MDH1B: variants seen among roughly 807,000 people sequenced by gnomAD.
MDH1B encodes the protein putative malate dehydrogenase 1B.
Under a neutral mutation model 61.4 loss-of-function variants are expected in MDH1B, and 60 were observed. The ratio of observed to expected loss-of-function variants is 0.98; its 90% CI spans 0.79 to 1.21. The LOEUF is 1.21. Among genes scored for constraint, MDH1B ranks in the 50% most tolerant of loss-of-function variants. MDH1B has a pLI of 0.00. For missense variants in MDH1B, 587 were observed against 632.1 expected, an observed-to-expected ratio of 0.93 and a Z score of 0.76; for synonymous variants, 236 against 218.7, an observed-to-expected ratio of 1.08 and a Z score of -0.70.
intron 9 of MDH1B, among the ~76,000 whole-genome samples, chr2:206,744,751 C>G (rs1688000025): frequency 6.6e-6 from 1 of 151,698 alleles, no homozygotes. Flanking sequence ...ATAGTGAAAC[C>G]TCGTCTCTAC....
chr2:206,762,121 T>C (rs1689134042), intron 1 of MDH1B, among the ~76,000 whole-genome samples: 1 of 152,162 alleles, frequency 6.6e-6, no homozygotes, highest in African/African-American at 2.4e-5. Flanking sequence ...CAACCCTGCG[T>C]GGAGATCCCT....
intron 6 of MDH1B, among the ~76,000 whole-genome samples, chr2:206,749,823 A>ATGT (rs1688331529): frequency 6.6e-6 from 1 of 152,240 alleles, no homozygotes; most frequent in Non-Finnish European, 1.5e-5. Context: ...CACTTGTGGC[A>ATGT]TCATGTTGGT....
chr2:206,743,722 G>A (rs1559332583), intron 9 of MDH1B, among the ~76,000 whole-genome samples: 1 of 152,054 alleles, frequency 6.6e-6, no homozygotes. Flanking sequence ...CCACAGGCGT[G>A]CATGCACACA....
At chr2:206,755,774 C>T (rs1417379003) in intron 4 of MDH1B, among the ~76,000 whole-genome samples, 1 of 152,026 alleles carries the variant, frequency 6.6e-6, no homozygotes, top group African/African-American at 2.4e-5. Flanking sequence ...ACAGAATTCC[C>T]CCTATGCAGA....
In MDH1B at chr2:206,755,428, C is replaced by T. The variant is rs373391625; in HGVS notation, c.491G>A (p.Ser164Asn). The change falls in exon 5 of 12, where the codon AGC (serine) becomes AAC (asparagine). Residue 164 changes from serine (S) to asparagine (N), a missense_variant. Coordinates refer to ENST00000374412, the MANE Select transcript of MDH1B (RefSeq NM_001039845.3). Reference protein sequence around the residue: ...GEVFGMHTEISITLFDNKQAE... With the variant: ...GEVFGMHTEINITLFDNKQAE... Reference sequence around the variant, plus strand: ...CTGCTTGTTGTCAAATAGAGTTATGCTAATTTCTGTATGCATCCCAAACAC... The same window carrying T: ...CTGCTTGTTGTCAAATAGAGTTATGTTAATTTCTGTATGCATCCCAAACAC... The T allele has an allele frequency of 2.5e-6, 4 of 1,614,070 alleles. No homozygotes were observed. The highest frequency in any genetic ancestry group is 2.5e-6 in the Non-Finnish European group (3 of 1,180,036).
chr2:206,739,245 G>C (rs1192451931), intron 11 of MDH1B, among the ~76,000 whole-genome samples: 1 of 151,988 alleles, frequency 6.6e-6, no homozygotes, highest in Non-Finnish European at 1.5e-5. Context: ...TGAGACCCTA[G>C]ATCTACAAAA....
chr2:206,748,974 G>C, intron 7 of MDH1B, 46 bp downstream of exon 7: 1 of 1,559,876 alleles, frequency 6.4e-7, no homozygotes. Flanking sequence ...ACGAGTTATA[G>C]ATAGAGGTTT....
Position 206,755,150 on chromosome 2 carries a change from CT to C in MDH1B, c.768del (p.Arg258GlufsTer4). Reference sequence around the variant, plus strand: ...GTCTTCAGGTTTACAAAGGTTCTCCCTCCCACGATGACTCTGACAGACTCAT... The same window carrying C: ...GTCTTCAGGTTTACAAAGGTTCTCCCCCCACGATGACTCTGACAGACTCAT... ...NAHESVRVIV[G>X]GRTFVNLKTV... On this transcript the variant is annotated frameshift_variant, in exon 5 of 12. Coordinates refer to ENST00000374412, the MANE Select transcript of MDH1B (RefSeq NM_001039845.3). LOFTEE classifies it high-confidence loss of function. 6.2e-7 allele frequency: 1 copy of C among 1,614,196 alleles called. No individual in the cohort carries two copies. The highest frequency in any genetic ancestry group is 8.5e-7 in the Non-Finnish European group (1 of 1,180,038).
chr2:206,758,190 C>T (rs1037815372), intron 2 of MDH1B, among the ~76,000 whole-genome samples: 1 of 152,212 alleles, frequency 6.6e-6, no homozygotes, highest in East Asian at 1.9e-4. Flanking sequence ...CCCCAAAAAA[C>T]CTTCTGCACC....
intron 1 of MDH1B, among the ~76,000 whole-genome samples, chr2:206,761,376 G>A (rs1247073467): frequency 6.6e-6 from 1 of 152,096 alleles, no homozygotes; most frequent in Non-Finnish European, 1.5e-5. Flanking sequence ...CCACCAAAAG[G>A]TAAAGTTTGA....
chr2:206,753,323 C>G (rs1162558612), intron 5 of MDH1B, among the ~76,000 whole-genome samples: 1 of 152,170 alleles, frequency 6.6e-6, no homozygotes, highest in Non-Finnish European at 1.5e-5. Context: ...AGGTCCTTCT[C>G]TGTTGGCCAG....
intron 9 of MDH1B, 71 bp from the exon 10 acceptor site, chr2:206,741,175 T>C: frequency 6.3e-7 from 1 of 1,591,654 alleles, no homozygotes; most frequent in Non-Finnish European, 8.6e-7. Context: ...TCATGAGATG[T>C]TCTGAGTCAA....
rs190832559 is a variant in MDH1B, at chr2:206,751,710, G to A, written c.911-635C>T. Among the ~76,000 whole-genome samples, 355 of 152,238 alleles carry A rather than the reference G, an allele frequency of 2.3e-3. 1 individual carries two copies. Among genetic ancestry groups the A allele is most frequent in the Non-Finnish European group, 2.0e-3 (138 of 68,014 alleles). On this transcript the variant is annotated intron_variant, in intron 5 of 11. Transcript: ENST00000374412. ...ATTCTAGGGGTGGTGGGAAGTGGAT[G>A]AGAAAACAACTATTATACAAAGCGA...
intron 1 of MDH1B, among the ~76,000 whole-genome samples, chr2:206,761,635 T>C (rs1689100465): frequency 6.6e-6 from 1 of 151,974 alleles, no homozygotes; most frequent in Admixed American, 6.5e-5. Context: ...TACATGTATA[T>C]GTATATGTAT....
intron 1 of MDH1B, among the ~76,000 whole-genome samples, chr2:206,764,273 G>C (rs1419752981): frequency 2.0e-5 from 3 of 151,216 alleles, no homozygotes; most frequent in Admixed American, 2.0e-4. Context: ...AATCCAGCCT[G>C]GGTGACAAAG....
chr2:206,751,155 G>C, intron 5 of MDH1B, 80 bp from the exon 6 acceptor site: 1 of 1,013,252 alleles, frequency 9.9e-7, no homozygotes, highest in Non-Finnish European at 1.4e-6. Context: ...TTTTTTGTTT[G>C]CGTGCATGTT....
At chr2:206,747,240 G>T (rs758467647) in intron 7 of MDH1B, among the ~76,000 whole-genome samples, 11 of 152,144 alleles carry the variant, frequency 7.2e-5, no homozygotes, top group Non-Finnish European at 1.0e-4. Context: ...TCCTTAGAGG[G>T]CTTCCCAGGT....
At chr2:206,741,710 A>G (rs1333218026) in intron 9 of MDH1B, among the ~76,000 whole-genome samples, 3 of 152,170 alleles carry the variant, frequency 2.0e-5, no homozygotes, top group Non-Finnish European at 4.4e-5. Context: ...ATTTATACAT[A>G]AGTATCCTAT....
chr2:206,751,213 T>C (rs1383600748), intron 5 of MDH1B, 138 bp from the exon 6 acceptor site: 2 of 598,890 alleles, frequency 3.3e-6, no homozygotes, highest in Non-Finnish European at 5.4e-6. Flanking sequence ...AGGTTTATGA[T>C]TCCTAAAATT....
Sources: gnomAD v4.1 joint callset for allele counts (sites outside exome capture counted in the v4.1 genomes callset) on GRCh38, gnomAD v4.1.1 for gene constraint, MANE v1.5 for transcripts, NCBI Gene and HGNC (gene_info 2026-07-23, HGNC 2026-07-21) for gene names.